DENND1B: variants seen among roughly 807,000 people sequenced by gnomAD.
DENND1B encodes the protein DENN domain-containing protein 1B.
A neutral mutation model predicts 90.1 loss-of-function variants in DENND1B; 59 were observed. The observed-to-expected ratio is 0.65, with a 90% CI of 0.53 to 0.81. The LOEUF is 0.81. Ranked by LOEUF, DENND1B falls within the 40% of genes least tolerant of loss-of-function variation. DENND1B has a pLI of 0.00. For missense variants in DENND1B, 862 were observed against 912.6 expected, an observed-to-expected ratio of 0.94 and a Z score of 0.71; for synonymous variants, 337 against 324.6, an observed-to-expected ratio of 1.04 and a Z score of -0.41.
chr1:197,571,398 G>A (rs1412961369), intron 15 of DENND1B, among the ~76,000 whole-genome samples: 15 of 151,972 alleles, frequency 9.9e-5, no homozygotes. Context: ...TCATTTATTC[G>A]GATCTTAGAA....
chr1:197,563,467 C>T (rs979507606), intron 15 of DENND1B, among the ~76,000 whole-genome samples: 9 of 151,990 alleles, frequency 5.9e-5, no homozygotes, highest in African/African-American at 2.2e-4. Flanking sequence ...GACAATACAT[C>T]TGCTTACACC....
At chr1:197,588,483 G>A (rs949273978) in intron 14 of DENND1B, among the ~76,000 whole-genome samples, 3 of 152,028 alleles carry the variant, frequency 2.0e-5, no homozygotes, top group African/African-American at 7.2e-5. Flanking sequence ...GAATGATAAC[G>A]TAAAAAATGT....
intron 10 of DENND1B, among the ~76,000 whole-genome samples, chr1:197,634,331 C>G (rs1382866197): frequency 6.6e-6 from 1 of 152,130 alleles, no homozygotes; most frequent in African/African-American, 2.4e-5. Flanking sequence ...CTGGTCATAT[C>G]CAGACTGATA....
chr1:197,539,935 G>A (rs1670206913), intron 20 of DENND1B, 29 bp downstream of exon 20: 2 of 1,461,258 alleles, frequency 1.4e-6, no homozygotes, highest in Admixed American at 3.6e-5. Context: ...GAGAATGTGG[G>A]GGAATGAAGG....
At chr1:197,723,791 G>A (rs1258137752) in intron 2 of DENND1B, among the ~76,000 whole-genome samples, 1 of 151,828 alleles carries the variant, frequency 6.6e-6, no homozygotes, top group Non-Finnish European at 1.5e-5. Context: ...ACTGTTGTTT[G>A]TTATAATTCT....
intron 11 of DENND1B, among the ~76,000 whole-genome samples, chr1:197,614,219 T>G (rs1677435906): frequency 6.6e-6 from 1 of 151,008 alleles, no homozygotes; most frequent in African/African-American, 2.4e-5. Context: ...TTGAAACTTT[T>G]AAAATGGGAT....
intron 2 of DENND1B, among the ~76,000 whole-genome samples, chr1:197,736,356 A>G (rs1662690976): frequency 6.6e-6 from 1 of 152,074 alleles, no homozygotes; most frequent in African/African-American, 2.4e-5. Flanking sequence ...CTCTCTATCT[A>G]TCTATCTATC....
rs531263683 is a variant in DENND1B, at chr1:197,678,499, T to C, written c.127-4330A>G. On this transcript the variant is annotated intron_variant, in intron 3 of 22. Coordinates refer to ENST00000620048, the MANE Select transcript of DENND1B (RefSeq NM_001195215.2). Reference sequence around the variant, plus strand: ...ATATTATCCCCCAAATAAGTGAGAATTACCTAATACTACACATTCATTCAA... The same window carrying C: ...ATATTATCCCCCAAATAAGTGAGAACTACCTAATACTACACATTCATTCAA... Among the ~76,000 whole-genome samples, 4 of 152,240 alleles carry C rather than the reference T, an allele frequency of 2.6e-5. No homozygotes were observed. The South Asian group carries it at 8.3e-4, about 32-fold the overall frequency.
intron 20 of DENND1B, among the ~76,000 whole-genome samples, chr1:197,539,085 G>T (rs1670134321): frequency 6.6e-6 from 1 of 152,164 alleles, no homozygotes; most frequent in Non-Finnish European, 1.5e-5. Context: ...CAAAGACAAA[G>T]ACCCTGGAAG....
intron 3 of DENND1B, among the ~76,000 whole-genome samples, chr1:197,679,828 T>TC (rs1656484292): frequency 9.4e-6 from 1 of 106,070 alleles, no homozygotes; most frequent in Non-Finnish European, 1.9e-5. Context: ...TTTTTTTTTT[T>TC]CAAAAATTCT....
At chr1:197,742,013 T>A (rs1663261452) in intron 2 of DENND1B, among the ~76,000 whole-genome samples, 1 of 152,110 alleles carries the variant, frequency 6.6e-6, no homozygotes, top group Non-Finnish European at 1.5e-5. Context: ...TAAAATAATA[T>A]ATGTAAAATC....
intron 3 of DENND1B, among the ~76,000 whole-genome samples, chr1:197,706,090 G>A (rs1236151563): frequency 3.3e-5 from 5 of 152,040 alleles, no homozygotes; most frequent in Non-Finnish European, 7.4e-5. Context: ...TGAATGAACT[G>A]CTTTAAACAC....
At chr1:197,731,706 C>CA (rs969245199) in intron 2 of DENND1B, among the ~76,000 whole-genome samples, 3 of 151,096 alleles carry the variant, frequency 2.0e-5, no homozygotes, top group East Asian at 1.9e-4. Flanking sequence ...AGCTGATGAG[C>CA]AAAAAAAAGG....
At chr1:197,751,228 A>T (rs992756319) in intron 2 of DENND1B, among the ~76,000 whole-genome samples, 1 of 152,212 alleles carries the variant, frequency 6.6e-6, no homozygotes, top group African/African-American at 2.4e-5. Flanking sequence ...AGTCATACAG[A>T]GTATGTTCTC....
At chr1:197,567,866 A>G (rs1465368615) in intron 15 of DENND1B, among the ~76,000 whole-genome samples, 6 of 152,158 alleles carry the variant, frequency 3.9e-5, no homozygotes, top group Non-Finnish European at 1.5e-5. Context: ...GTCAATGGTA[A>G]AAAGCTAAGA....
At chr1:197,528,999 C>G (rs1052536133) in intron 20 of DENND1B, among the ~76,000 whole-genome samples, 3 of 151,728 alleles carry the variant, frequency 2.0e-5, no homozygotes, top group African/African-American at 7.3e-5. Flanking sequence ...GAAATTATGA[C>G]TATTAAACAT....
chr1:197,734,813 C>A, intron 2 of DENND1B: 1 of 983,206 alleles, frequency 1.0e-6, no homozygotes, highest in Non-Finnish European at 1.2e-6. Context: ...TTTTTTTAAC[C>A]TACAACAAAC....
intron 2 of DENND1B, among the ~76,000 whole-genome samples, chr1:197,721,000 A>T (rs993426803): frequency 6.6e-6 from 1 of 152,024 alleles, no homozygotes; most frequent in African/African-American, 2.4e-5. Flanking sequence ...TTCAACAAAA[A>T]TATCTACACA....
At chr1:197,751,717 G>T (rs757237170) in intron 2 of DENND1B, among the ~76,000 whole-genome samples, 2 of 151,922 alleles carry the variant, frequency 1.3e-5, no homozygotes, top group Admixed American at 6.6e-5. Flanking sequence ...GGTAGCATGT[G>T]CCTCTAATCC....
Sources: allele counts gnomAD v4.1 joint callset (sites outside exome capture counted in the v4.1 genomes callset), GRCh38; gene constraint gnomAD v4.1.1; transcripts MANE v1.5; gene names NCBI Gene and HGNC (gene_info 2026-07-23, HGNC 2026-07-21).